The following TRIOBP variants were observed in gnomAD, a reference collection of about 807,000 sequenced individuals.
TRIOBP encodes the protein TRIO and F-actin-binding protein.
TRIOBP carries 169 observed loss-of-function variants against 238.8 expected under a neutral mutation model. That is an observed-to-expected ratio of 0.71 (90% CI 0.62 to 0.80). The LOEUF (loss-of-function observed/expected upper bound fraction) is 0.80, where lower values mean the gene tolerates loss of function less well. Ranked by LOEUF, TRIOBP falls within the 30% of genes least tolerant of loss-of-function variation. The probability of loss-of-function intolerance (pLI) is 0.00; values close to 1 mark genes in which losing one functional copy is unlikely to be tolerated. For missense variants in TRIOBP, 2,838 were observed against 3,122.6 expected, an observed-to-expected ratio of 0.91 and a Z score of 2.17; for synonymous variants, 1,150 against 1,274.4, an observed-to-expected ratio of 0.90 and a Z score of 2.08.
chr22:37,764,210 G>A (rs1201573038), intron 17 of TRIOBP, among the ~76,000 whole-genome samples: 3 of 152,210 alleles, frequency 2.0e-5, no homozygotes, highest in African/African-American at 4.8e-5. Context: ...ACATGATGTA[G>A]TCACAGATCC....
At chr22:37,735,748 C>G (rs901393007) in intron 9 of TRIOBP, among the ~76,000 whole-genome samples, 13 of 152,222 alleles carry the variant, frequency 8.5e-5, no homozygotes, top group Non-Finnish European at 1.6e-4. Context: ...GAAACTGATG[C>G]GCAGGGTGAA....
intron 5 of TRIOBP, among the ~76,000 whole-genome samples, chr22:37,713,700 T>G (rs1048954086): frequency 6.6e-6 from 1 of 152,192 alleles, no homozygotes; most frequent in African/African-American, 2.4e-5. Flanking sequence ...GGCTGCCACA[T>G]GCTCTCAGAT....
At chr22:37,717,255 A>G (rs913654843) in intron 6 of TRIOBP, among the ~76,000 whole-genome samples, 1 of 152,116 alleles carries the variant, frequency 6.6e-6, no homozygotes, top group Non-Finnish European at 1.5e-5. Flanking sequence ...GAAGCTGCAG[A>G]CCTTCGTGGT....
rs1926785232 is a variant in TRIOBP, at chr22:37,771,741, G to A, written c.6936+5G>A. ...GAGCTCCAGATGATGCAGAAGGTAGGTCCTTCCGCTGGGCTGGGGGCCGTC... is the reference window on the plus strand; with the variant it reads ...GAGCTCCAGATGATGCAGAAGGTAGATCCTTCCGCTGGGCTGGGGGCCGTC... On this transcript the variant is annotated splice_donor_5th_base_variant and intron_variant, in intron 22 of 23. Coordinates refer to ENST00000644935, the MANE Select transcript of TRIOBP (RefSeq NM_001039141.3). 6.2e-7 allele frequency: 1 copy of A among 1,613,738 alleles called. No individual in the cohort carries two copies. The highest frequency in any genetic ancestry group is 1.7e-5 in the Admixed American group (1 of 60,004).
chr22:37,770,798 T>A (rs1346567585), intron 21 of TRIOBP, among the ~76,000 whole-genome samples: 1 of 152,022 alleles, frequency 6.6e-6, no homozygotes, highest in African/African-American at 2.4e-5. Context: ...TTCTCCTGCC[T>A]CAGCCTCCCG....
Position 37,713,279 on chromosome 22 carries a change from G to C in TRIOBP, c.324G>C (p.Glu108Asp). The change falls in exon 5 of 24, where the codon GAG (glutamate) becomes GAC (aspartate). Residue 108 changes from glutamate to aspartate, a missense_variant. Around this residue, in one of 5 missense-constraint regions of TRIOBP, gnomAD observed 535 missense variants for 537.3 expected, o/e 1.00. Coordinates refer to ENST00000644935, the MANE Select transcript of TRIOBP (RefSeq NM_001039141.3). The part of the protein sequence containing the change: ...PTAAPRSRSR[E>D]LEAVPYLEGL... ...CTGCCCCCAGGAGCAGGAGCCGGGA[G>C]CTTGAGGCAGTACCCTATCTGGAGG... The C allele has an allele frequency of 6.2e-7, 1 of 1,613,956 alleles. No individual in the cohort carries two copies. The highest frequency in any genetic ancestry group is 8.5e-7 in the Non-Finnish European group (1 of 1,179,898).
At chr22:37,720,584 G>T (rs1923773326) in intron 6 of TRIOBP, among the ~76,000 whole-genome samples, 1 of 152,196 alleles carries the variant, frequency 6.6e-6, no homozygotes, top group Non-Finnish European at 1.5e-5. Flanking sequence ...GAGTGCCCAG[G>T]CTTGGGGGCT....
At chr22:37,750,022 G>A (rs1377207777) in intron 11 of TRIOBP, among the ~76,000 whole-genome samples, 1 of 152,194 alleles carries the variant, frequency 6.6e-6, no homozygotes, top group Non-Finnish European at 1.5e-5. Context: ...GCCTGACATG[G>A]TATGTGATGT....
In TRIOBP at chr22:37,725,437, C is replaced by T; in HGVS notation, c.2881C>T (p.Pro961Ser). The change falls in exon 7 of 24, where the codon CCC (proline) becomes TCC (serine). Residue 961 changes from proline to serine, a missense_variant. Transcript: ENST00000644935. ...CAGCAGGCCAGCCCAGCATGACCCA[C>T]CCCAGTCCTCCTTTGGCCCCACCCA... ...SPSRPAQHDP[P>S]QSSFGPTQYN... 2 of 1,611,190 alleles carry T rather than the reference C, an allele frequency of 1.2e-6. No individual in the cohort carries two copies. Among genetic ancestry groups the T allele is most frequent in the African/African-American group, 1.3e-5 (1 of 74,988 alleles).
At chr22:37,764,691 G>A (rs866749416) in intron 17 of TRIOBP, among the ~76,000 whole-genome samples, 2 of 152,092 alleles carry the variant, frequency 1.3e-5, no homozygotes, top group Admixed American at 6.6e-5. Context: ...CCGTTGTGGC[G>A]GACACTCCCA....
intron 5 of TRIOBP, among the ~76,000 whole-genome samples, chr22:37,714,784 C>T (rs1007360297): frequency 1.3e-5 from 2 of 152,122 alleles, no homozygotes; most frequent in Admixed American, 1.3e-4. Context: ...TCAAGTGATC[C>T]CCCCACCTCA....
chr22:37,744,029 A>G (rs1601646437), intron 11 of TRIOBP, among the ~76,000 whole-genome samples: 2 of 125,178 alleles, frequency 1.6e-5, no homozygotes, highest in Middle Eastern at 4.3e-3. Flanking sequence ...TCTGAGATGG[A>G]GTCTCGCTCT....
chr22:37,710,594 G>A (rs752503711), intron 4 of TRIOBP, 28 bp downstream of exon 4: 2 of 1,598,760 alleles, frequency 1.3e-6, no homozygotes, highest in Non-Finnish European at 1.7e-6. Flanking sequence ...GCCCAGGAAG[G>A]GCTTCATGGG....
At chr22:37,739,646 C>T (rs957870008) in intron 10 of TRIOBP, among the ~76,000 whole-genome samples, 36 of 152,210 alleles carry the variant, frequency 2.4e-4, no homozygotes, top group African/African-American at 8.2e-4. Context: ...GTCCCTGCCC[C>T]GATTTCTTGC....
At chr22:37,699,864 T>TTA (rs2145808293) in intron 2 of TRIOBP, among the ~76,000 whole-genome samples, 1 of 148,246 alleles carries the variant, frequency 6.7e-6, no homozygotes, top group South Asian at 2.1e-4. Flanking sequence ...TTATTTTCAT[T>TTA]TTCATTTATT....
At chr22:37,710,119 G>A (rs148473850) in intron 3 of TRIOBP, among the ~76,000 whole-genome samples, 164 of 152,342 alleles carry the variant, frequency 1.1e-3, no homozygotes, top group Middle Eastern at 6.8e-3. Context: ...GCGTAGACAC[G>A]CATGCGCAAG....
intron 3 of TRIOBP, among the ~76,000 whole-genome samples, chr22:37,702,743 A>G (rs1416276541): frequency 1.4e-5 from 2 of 140,842 alleles, no homozygotes; most frequent in African/African-American, 5.5e-5. Flanking sequence ...TCGACCTCCC[A>G]GGCTCAAATG....
chr22:37,729,030 C>T (rs1418469185), intron 7 of TRIOBP, among the ~76,000 whole-genome samples: 1 of 152,092 alleles, frequency 6.6e-6, no homozygotes, highest in Non-Finnish European at 1.5e-5. Context: ...GTTCTCCTGC[C>T]TCAGCCTCCC....
At chr22:37,755,396 C>T (rs979428368) in intron 14 of TRIOBP, 154 bp from the exon 15 acceptor site, 2 of 908,254 alleles carry the variant, frequency 2.2e-6, no homozygotes, top group Admixed American at 4.0e-5. Context: ...TCTTCCCAGG[C>T]CAATGGAAGG....
Sources: allele counts gnomAD v4.1 joint callset (sites outside exome capture counted in the v4.1 genomes callset), GRCh38; gene constraint gnomAD v4.1.1; regional missense constraint gnomAD v4.1.1; transcripts MANE v1.5; gene names NCBI Gene and HGNC (gene_info 2026-07-23, HGNC 2026-07-21).